Variants in MLLT10 observed in about 807,000 individuals in gnomAD.
MLLT10 encodes MLLT10 histone lysine methyltransferase DOT1L cofactor.
Under a neutral mutation model 129.1 loss-of-function variants are expected in MLLT10, and 30 were observed. The observed-to-expected ratio is 0.23, with a 90% CI of 0.17 to 0.32. The LOEUF is 0.32. MLLT10 is among the 10% of genes least tolerant of loss of function. MLLT10 has a pLI of 1.00. For missense variants in MLLT10, 1,119 were observed against 1,268.3 expected, an observed-to-expected ratio of 0.88 and a Z score of 1.79; for synonymous variants, 490 against 446.4, an observed-to-expected ratio of 1.10 and a Z score of -1.23.
chr10:21,576,419 T>G (rs1191901262), intron 3 of MLLT10, among the ~76,000 whole-genome samples: 3 of 150,766 alleles, frequency 2.0e-5, no homozygotes, highest in African/African-American at 7.3e-5. Flanking sequence ...ATTTTTGTAT[T>G]TTTAGTAGAG....
chr10:21,698,077 T>C (rs1228514714), intron 13 of MLLT10, among the ~76,000 whole-genome samples: 1 of 152,204 alleles, frequency 6.6e-6, no homozygotes, highest in Non-Finnish European at 1.5e-5. Context: ...ATTTCAAGTC[T>C]TCTCTTCTAC....
chr10:21,670,656 G>A lies in MLLT10; in HGVS notation c.1003G>A (p.Gly335Arg). 1 of 1,614,122 alleles carries A rather than the reference G, an allele frequency of 6.2e-7. No individual in the cohort carries two copies. Among genetic ancestry groups the A allele is most frequent in the Middle Eastern group, 1.6e-4 (1 of 6,062 alleles). ...SGQRGRKPGG[G>R]RNPGTTVSAA... ...TCAAAGGGGAAGAAAGCCTGGTGGT[G>A]GAAGAAATCCAGGAACAACTGTGTC... is the stretch of plus-strand genomic sequence containing the variant. The change falls in exon 10 of 23, where the codon GGA (glycine) becomes AGA (arginine). Residue 335 changes from glycine to arginine, a missense_variant. Physicochemically the swap from Gly to Arg is moderately radical, Grantham distance 125. Transcript: ENST00000307729.
At position 21,670,694 on chromosome 10, in the gene MLLT10, T is replaced by C; in HGVS notation, c.1041T>C (p.Pro347=). ...NPGTTVSAAS[P]FPQGSFSGTP... is the part of the protein sequence containing the mutation. ...GAACAACTGTGTCAGCAGCTAGCCC[T>C]TTTCCTCAAGGTATTAGTGATGTTT... Residue 347 remains proline (P), a synonymous_variant, in exon 10 of 23, where the codon CCT becomes CCC. Coordinates refer to ENST00000307729, the MANE Select transcript of MLLT10 (RefSeq NM_001195626.3). 6.2e-7 allele frequency: 1 copy of C among 1,612,662 alleles called. No individual in the cohort carries two copies. The highest frequency in any genetic ancestry group is 8.5e-7 in the Non-Finnish European group (1 of 1,179,374).
chr10:21,717,930 TCTC>T (rs1277215732), intron 14 of MLLT10, among the ~76,000 whole-genome samples: 3 of 138,344 alleles, frequency 2.2e-5, no homozygotes, highest in Admixed American at 7.3e-5. Context: ...TCCTTCTTCT[TCTC>T]CTTCTTTTCT....
chr10:21,714,065 C>T, intron 14 of MLLT10, 115 bp downstream of exon 14: 1 of 831,156 alleles, frequency 1.2e-6, no homozygotes, highest in East Asian at 2.8e-5. Context: ...TTATGAAATA[C>T]CTCAATTTGT....
intron 12 of MLLT10, among the ~76,000 whole-genome samples, chr10:21,681,886 C>T (rs1009367126): frequency 6.6e-6 from 1 of 152,058 alleles, no homozygotes; most frequent in South Asian, 2.1e-4. Context: ...AGATTTGCAT[C>T]CTACAGTGAC....
At chr10:21,694,185 A>G (rs2054146569) in intron 13 of MLLT10, among the ~76,000 whole-genome samples, 1 of 152,210 alleles carries the variant, frequency 6.6e-6, no homozygotes, top group African/African-American at 2.4e-5. Context: ...AAACAAGGAC[A>G]TTCTCCTACA....
At chr10:21,679,519 T>C (rs1564634162) in intron 11 of MLLT10, among the ~76,000 whole-genome samples, 1 of 152,200 alleles carries the variant, frequency 6.6e-6, no homozygotes. Flanking sequence ...CTTTTTTGTG[T>C]GTGAAAAATC....
At chr10:21,700,186 T>C (rs1279264146) in intron 13 of MLLT10, among the ~76,000 whole-genome samples, 4 of 151,990 alleles carry the variant, frequency 2.6e-5, no homozygotes, top group Non-Finnish European at 4.4e-5. Flanking sequence ...ATTATTGATA[T>C]ATAGAAACAG....
intron 17 of MLLT10, among the ~76,000 whole-genome samples, chr10:21,732,045 C>T (rs1046224622): frequency 1.1e-4 from 17 of 152,138 alleles, no homozygotes; most frequent in East Asian, 7.7e-4. Context: ...CTCATTTGGG[C>T]CCACTAAGGT....
chr10:21,625,801 A>G, intron 8 of MLLT10: 1 of 768,274 alleles, frequency 1.3e-6, no homozygotes, highest in Non-Finnish European at 2.4e-6. Flanking sequence ...CTTCCTTTCC[A>G]CAGAAAGTGG....
intron 3 of MLLT10, among the ~76,000 whole-genome samples, chr10:21,555,151 C>T (rs1327727271): frequency 2.0e-5 from 3 of 151,720 alleles, no homozygotes; most frequent in African/African-American, 7.3e-5. Flanking sequence ...ACTCTTTATG[C>T]TCTCAGCTGC....
chr10:21,647,595 AACCCAAC>A (rs1564571704), intron 8 of MLLT10, among the ~76,000 whole-genome samples: 1 of 152,134 alleles, frequency 6.6e-6, no homozygotes, highest in Non-Finnish European at 1.5e-5. Context: ...TTAAAAACAA[AACCCAAC>A]AACTTTGGTC....
intron 22 of MLLT10, among the ~76,000 whole-genome samples, chr10:21,741,612 C>G (rs1467628596): frequency 6.6e-6 from 1 of 152,114 alleles, no homozygotes; most frequent in African/African-American, 2.4e-5. Context: ...ACTTTCTTAG[C>G]CCATAAAAAT....
rs547691160 is a variant in MLLT10 at position 21,541,906 on chromosome 10, G to A, written c.240+2994G>A. 5.9e-5 allele frequency among the ~76,000 whole-genome samples: 9 copies of A among 152,314 alleles called. No individual in the cohort carries two copies. In the South Asian group the frequency reaches 1.9e-3, roughly 32 times the overall value. On this transcript the variant is annotated intron_variant, in intron 3 of 22. Coordinates refer to ENST00000307729, the MANE Select transcript of MLLT10 (RefSeq NM_001195626.3). ...ACAGCTGTTATTCTAGTGTGATTTA[G>A]CAAATGGAGGATAAAATCAATCATA...
intron 2 of MLLT10, among the ~76,000 whole-genome samples, chr10:21,537,727 C>T (rs756645801): frequency 7.9e-5 from 12 of 151,732 alleles, no homozygotes; most frequent in Non-Finnish European, 1.3e-4. Context: ...CCTCGGCCTG[C>T]CAAAGTGCTG....
intron 5 of MLLT10, among the ~76,000 whole-genome samples, chr10:21,606,407 T>TG (rs1256406693): frequency 6.6e-6 from 1 of 152,262 alleles, no homozygotes; most frequent in East Asian, 1.9e-4. Context: ...CGAAAGGCTA[T>TG]GGCTGCTATA....
chr10:21,740,400 G>GT (rs2058728319), intron 22 of MLLT10, among the ~76,000 whole-genome samples, 164 bp downstream of exon 22: 1 of 152,068 alleles, frequency 6.6e-6, no homozygotes, highest in Admixed American at 6.6e-5. Context: ...CAATTTATAC[G>GT]TCCCCTAAGT....
intron 14 of MLLT10, among the ~76,000 whole-genome samples, chr10:21,714,890 G>T (rs2056416175): frequency 6.6e-6 from 1 of 152,208 alleles, no homozygotes. Flanking sequence ...AAAGAGGACA[G>T]TGCAGGGGGA....
Sources: gnomAD v4.1 joint callset for allele counts (sites outside exome capture counted in the v4.1 genomes callset) on GRCh38, gnomAD v4.1.1 for gene constraint, MANE v1.5 for transcripts, NCBI Gene and HGNC (gene_info 2026-07-23, HGNC 2026-07-21) for gene names.